The following DKK3 variants were observed in gnomAD, a reference collection of about 807,000 sequenced individuals.
The protein encoded by DKK3 is dickkopf Wnt signaling pathway inhibitor 3.
Under a neutral mutation model 33.2 loss-of-function variants are expected in DKK3, and 22 were observed. That is an observed-to-expected ratio of 0.66 (90% CI 0.47 to 0.95). The LOEUF is 0.95. Among genes scored for constraint, DKK3 ranks in the 40% least tolerant of loss-of-function variants. The probability of loss-of-function intolerance (pLI) is 0.00; values close to 1 mark genes in which losing one functional copy is unlikely to be tolerated. For missense variants in DKK3, 398 were observed against 458.4 expected (o/e 0.87, Z 1.20); for synonymous variants, 194 against 188.8 (o/e 1.03, Z -0.23).
intron 3 of DKK3, among the ~76,000 whole-genome samples, chr11:11,992,738 A>G (rs1848212740): frequency 1.3e-5 from 2 of 152,136 alleles, no homozygotes; most frequent in South Asian, 2.1e-4. Flanking sequence ...CCCCTTGTTT[A>G]TATTTCTTTG....
At chr11:11,977,301 T>C (rs1847854031) in intron 3 of DKK3, among the ~76,000 whole-genome samples, 1 of 151,988 alleles carries the variant, frequency 6.6e-6, no homozygotes, top group South Asian at 2.1e-4. Flanking sequence ...CCTTCCAATA[T>C]ATACAGACAG....
intron 3 of DKK3, among the ~76,000 whole-genome samples, chr11:11,994,239 T>A (rs1031693846): frequency 1.3e-5 from 2 of 152,068 alleles, no homozygotes; most frequent in African/African-American, 2.4e-5. Flanking sequence ...TCTTCAGTAA[T>A]AATGAACCTC....
At chr11:12,003,736 ATT>A in intron 1 of DKK3, among the ~76,000 whole-genome samples, 1 of 146,446 alleles carries the variant, frequency 6.8e-6, no homozygotes, top group African/African-American at 2.5e-5. Flanking sequence ...GGCTATTTTT[ATT>A]TTTTTTTTTA....
intron 3 of DKK3, among the ~76,000 whole-genome samples, chr11:11,988,561 A>G (rs986726509): frequency 2.0e-5 from 3 of 152,120 alleles, no homozygotes; most frequent in African/African-American, 7.2e-5. Context: ...ATAAACAACC[A>G]TCATCACCAC....
At chr11:11,969,620 T>C (rs908457061) in intron 3 of DKK3, among the ~76,000 whole-genome samples, 3 of 152,200 alleles carry the variant, frequency 2.0e-5, no homozygotes, top group African/African-American at 7.2e-5. Context: ...GCAGACCTTC[T>C]GGAAGGGTCT....
Position 12,005,272 on chromosome 11 carries a change from T to C in DKK3, c.214-2835A>G, listed in dbSNP as rs145064642. Among the ~76,000 whole-genome samples the C allele has an allele frequency of 9.8e-5, 15 of 152,352 alleles. No individual in the cohort carries two copies. The East Asian group carries it at 2.7e-3, about 27-fold the overall frequency. On this transcript the variant is annotated intron_variant, in intron 1 of 6. Transcript: ENST00000683431. The stretch of plus-strand genomic sequence containing the variant: ...ACGGTTCTTAAATGGCACCATGAAC[T>C]AAAAGTATAGTTTACAATGGAAATT...
At chr11:11,986,120 C>G (rs890160197) in intron 3 of DKK3, among the ~76,000 whole-genome samples, 2 of 152,124 alleles carry the variant, frequency 1.3e-5, no homozygotes, top group African/African-American at 4.8e-5. Context: ...CCCGGGTACC[C>G]CTGGCCTGGA....
Position 12,002,434 on chromosome 11 carries a change from C to T in DKK3, c.217G>A (p.Glu73Lys). 6.2e-7 allele frequency: 1 copy of T among 1,612,548 alleles called. No homozygotes were observed. Among genetic ancestry groups the T allele is most frequent in the Non-Finnish European group, 8.5e-7 (1 of 1,179,352 alleles). ...HKLRSAVEEM[E>K]AEEAAAKASS... ...GCTTTAGCAGCAGCTTCTTCTGCCT[C>T]CATCTATTAAATCGATGAATTTAAT... Residue 73 changes from glutamate (E) to lysine (K), a missense_variant, in exon 2 of 7, where the codon GAG (glutamate) becomes AAG (lysine). Coordinates refer to ENST00000683431, the MANE Select transcript of DKK3 (RefSeq NM_001018057.2).
At position 11,968,422 on chromosome 11, in the gene DKK3, G is replaced by A. The variant is rs778358137; in HGVS notation, c.501C>T (p.Thr167=). ...TCCTCTGGCCCCGGCATGGCTGGCAGGTGTACTGGAAGCTGGCAAACTGGC... is the reference window on the plus strand; with the variant it reads ...TCCTCTGGCCCCGGCATGGCTGGCAAGTGTACTGGAAGCTGGCAAACTGGC... ...MYCQFASFQY[T]CQPCRGQRML... is the part of the protein sequence containing the mutation. The change falls in exon 4 of 7, where the codon ACC becomes ACT. Residue 167 remains threonine, a synonymous_variant. Transcript: ENST00000683431. The A allele has an allele frequency of 6.2e-7, 1 of 1,613,374 alleles. No homozygotes were observed. The highest frequency in any genetic ancestry group is 8.5e-7 in the Non-Finnish European group (1 of 1,179,632).
At chr11:11,992,542 T>G (rs1238622561) in intron 3 of DKK3, among the ~76,000 whole-genome samples, 1 of 152,208 alleles carries the variant, frequency 6.6e-6, no homozygotes, top group African/African-American at 2.4e-5. Flanking sequence ...ACTCAAATGT[T>G]CCTGCTAGGA....
intron 1 of DKK3, among the ~76,000 whole-genome samples, chr11:12,007,128 A>G (rs1848552522): frequency 6.6e-6 from 1 of 152,156 alleles, no homozygotes; most frequent in East Asian, 1.9e-4. Flanking sequence ...TGTCCCCTTC[A>G]CTGCAAACTC....
chr11:12,009,256 G>A, upstream of DKK3: 1 of 984,664 alleles, frequency 1.0e-6, no homozygotes, highest in Non-Finnish European at 1.2e-6. Flanking sequence ...TGCAGATGCG[G>A]GAGCGGCGCG....
At chr11:12,007,117 G>A (rs1039612400) in intron 1 of DKK3, among the ~76,000 whole-genome samples, 4 of 152,216 alleles carry the variant, frequency 2.6e-5, no homozygotes, top group African/African-American at 9.7e-5. Context: ...TCCCAAGCCA[G>A]TGTCCCCTTC....
chr11:11,995,842 G>A (rs1306768559), intron 3 of DKK3, among the ~76,000 whole-genome samples: 1 of 152,202 alleles, frequency 6.6e-6, no homozygotes, highest in African/African-American at 2.4e-5. Context: ...ATGTGCTCAG[G>A]TGCAATAACA....
At chr11:11,994,489 C>T (rs1848250555) in intron 3 of DKK3, 1 of 152,174 alleles carries the variant, frequency 6.6e-6, no homozygotes, top group Non-Finnish European at 1.5e-5. Flanking sequence ...ACCCTAGCCT[C>T]CCTGGACCTT....
chr11:12,001,644 G>C (rs1848430867), intron 2 of DKK3: 1 of 152,294 alleles, frequency 6.6e-6, no homozygotes, highest in African/African-American at 2.4e-5. Context: ...CCAGGGGCAA[G>C]CTAGTGCTAT....
Position 12,002,585 on chromosome 11 carries a change from A to G in DKK3, c.214-148T>C. On this transcript the variant is annotated intron_variant, in intron 1 of 6. Coordinates refer to ENST00000683431, the MANE Select transcript of DKK3 (RefSeq NM_001018057.2). ...CTATTAATTGAGTACTCACTATGAT[A>G]AGATATTATACTAAACGTTTTACAT... is the stretch of plus-strand genomic sequence containing the variant. 3 of 836,090 alleles carry G rather than the reference A, an allele frequency of 3.6e-6. 1 individual carries two copies. The South Asian group carries it at 5.5e-5, about 15-fold the overall frequency. The allele number at this position is 836,090 out of a possible 1,614,324, so 51.8% of individuals were successfully genotyped here.
chr11:11,978,508 T>C (rs28408408), intron 3 of DKK3, among the ~76,000 whole-genome samples: 2 of 151,820 alleles, frequency 1.3e-5, no homozygotes, highest in East Asian at 1.9e-4. Context: ...TTCTTTCTTC[T>C]TTCTTCTTTT....
intron 4 of DKK3, among the ~76,000 whole-genome samples, chr11:11,967,487 A>G (rs1244479105): frequency 6.6e-6 from 1 of 152,232 alleles, no homozygotes; most frequent in Non-Finnish European, 1.5e-5. Flanking sequence ...AAGCCAGCCC[A>G]AGATGAGGAT....
Sources: allele counts gnomAD v4.1 joint callset (sites outside exome capture counted in the v4.1 genomes callset), GRCh38; gene constraint gnomAD v4.1.1; transcripts MANE v1.5; gene names NCBI Gene and HGNC (gene_info 2026-07-23, HGNC 2026-07-21).